Variants in ACTL6B observed in about 807,000 individuals in gnomAD.
ACTL6B encodes actin like 6B.
Under a neutral mutation model 63.3 loss-of-function variants are expected in ACTL6B, and 48 were observed. The ratio of observed to expected loss-of-function variants is 0.76; its 90% CI spans 0.60 to 0.96. The LOEUF is 0.96. ACTL6B is among the 50% of genes least tolerant of loss of function. The pLI is 0.00. For missense variants in ACTL6B, 350 were observed against 572.2 expected, an observed-to-expected ratio of 0.61 and a Z score of 3.96; for synonymous variants, 230 against 223.8, an observed-to-expected ratio of 1.03 and a Z score of -0.25.
Position 100,646,511 on chromosome 7 carries a change from G to A in ACTL6B, c.1113+40C>T. 6.2e-7 allele frequency: 1 copy of A among 1,603,558 alleles called. No homozygotes were observed. Among genetic ancestry groups the A allele is most frequent in the Non-Finnish European group, 8.5e-7 (1 of 1,170,640 alleles). The stretch of plus-strand genomic sequence containing the variant: ...ACTCAGTCCTGGACAGCTGAGCCAG[G>A]ACGGGTGTCCAGGGCTCTGGGTCAG... On this transcript the variant is annotated intron_variant, in intron 12 of 13. Coordinates refer to ENST00000160382, the MANE Select transcript of ACTL6B (RefSeq NM_016188.5). This position sits in a 1 kb window ranked among gnomAD's most constrained non-coding sequence, Gnocchi z 6.1.
chr7:100,655,125 G>A lies in ACTL6B; in HGVS notation c.269-6C>T. On this transcript the variant is annotated splice_region_variant and splice_polypyrimidine_tract_variant and intron_variant, in intron 3 of 13. Coordinates refer to ENST00000160382, the MANE Select transcript of ACTL6B (RefSeq NM_016188.5). This position sits in a 1 kb window ranked among gnomAD's most constrained non-coding sequence, Gnocchi z 4.4. The stretch of plus-strand genomic sequence containing the variant: ...GAAGCACTCCCAGTCCTCGACTGGG[G>A]CCAGAAGAGCAGCGTGCAGAGACGC... The A allele has an allele frequency of 6.2e-7, 1 of 1,608,548 alleles. No individual in the cohort carries two copies. Among genetic ancestry groups the A allele is most frequent in the Non-Finnish European group, 8.5e-7 (1 of 1,175,190 alleles).
At position 100,655,455 on chromosome 7, in the gene ACTL6B, T is replaced by A. The variant is rs1235395924; in HGVS notation, c.234A>T (p.Gly78=). 8.1e-6 allele frequency: 13 copies of A among 1,613,974 alleles called. No individual in the cohort carries two copies. The South Asian group carries it at 1.4e-4, about 18-fold the overall frequency. ...DTNALHVPRD[G]AEVMSPLKNG... Reference sequence around the variant, plus strand: ...TCTTGAGGGGCGACATGACCTCCGCTCCATCCCGAGGCACGTGCAGGGCAT... The same window carrying A: ...TCTTGAGGGGCGACATGACCTCCGCACCATCCCGAGGCACGTGCAGGGCAT... The change falls in exon 3 of 14, where the codon GGA becomes GGT. Residue 78 remains glycine, a synonymous_variant. Coordinates refer to ENST00000160382, the MANE Select transcript of ACTL6B (RefSeq NM_016188.5). This position sits in a 1 kb window ranked among gnomAD's most constrained non-coding sequence, Gnocchi z 4.4.
chr7:100,646,236 C>G lies in ACTL6B; in HGVS notation c.1200+13G>C, dbSNP rs775509605. ...CCCACAGTCAGTGCTAGGCCAGGTC[C>G]CTTTCCTCTCACCAGTGAGGCCAGG... On this transcript the variant is annotated intron_variant, in intron 13 of 13. Coordinates refer to ENST00000160382, the MANE Select transcript of ACTL6B (RefSeq NM_016188.5). The surrounding 1 kb of genome is among the most constrained non-coding windows in gnomAD (Gnocchi z 6.1). 6.8e-6 allele frequency: 11 copies of G among 1,612,902 alleles called. No individual in the cohort carries two copies. The East Asian group carries it at 2.0e-4, about 29-fold the overall frequency.
chr7:100,654,560 C>A (rs1287515341), intron 4 of ACTL6B, among the ~76,000 whole-genome samples: 1 of 151,636 alleles, frequency 6.6e-6, no homozygotes, highest in East Asian at 2.0e-4. Context: ...GCGGGTGGAT[C>A]ACCTGAGGTC....
chr7:100,655,544 C>G lies in ACTL6B; in HGVS notation c.145G>C (p.Gly49Arg), dbSNP rs749283208. ...TTVGLLAAEE[G>R]GGLELEGDKE... Reference sequence around the variant, plus strand: ...TCCCCCTCCAGCTCCAGCCCGCCCCCCTCCTCCGCGGCCAGCAGCCCCACT... The same window carrying G: ...TCCCCCTCCAGCTCCAGCCCGCCCCGCTCCTCCGCGGCCAGCAGCCCCACT... The change falls in exon 3 of 14, where the codon GGG becomes CGG. Residue 49 changes from glycine (G) to arginine (R), a missense_variant. Physicochemically the swap from Gly to Arg is moderately radical, Grantham distance 125 (BLOSUM62 -2). Around this residue, in one of 3 missense-constraint regions of ACTL6B, gnomAD observed 250 missense variants for 364.7 expected, o/e 0.69. Transcript: ENST00000160382. This position sits in a 1 kb window ranked among gnomAD's most constrained non-coding sequence, Gnocchi z 4.4. 2.5e-6 allele frequency: 4 copies of G among 1,613,840 alleles called. No homozygotes were observed. The highest frequency in any genetic ancestry group is 2.2e-5 in the South Asian group (2 of 91,072).
intron 5 of ACTL6B, chr7:100,649,827 A>C: frequency 2.0e-6 from 1 of 509,832 alleles, no homozygotes; most frequent in African/African-American, 1.9e-5. Context: ...GATCCGGGGA[A>C]CCGAAAGGGG....
chr7:100,646,010 AT>A lies in ACTL6B; in HGVS notation c.1200+238del, dbSNP rs1562847740. ...GGTTTTCAACTCCTAGCCTCAAGCC[AT>A]CCCCCCACTTCAGCCACCCAAAGTG... On this transcript the variant is annotated intron_variant, in intron 13 of 13. Transcript: ENST00000160382. This position sits in a 1 kb window ranked among gnomAD's most constrained non-coding sequence, Gnocchi z 6.1. 1.3e-5 allele frequency among the ~76,000 whole-genome samples: 2 copies of A among 152,190 alleles called. No homozygotes were observed. The highest frequency in any genetic ancestry group is 2.4e-5 in the African/African-American group (1 of 41,456).
rs994988064 is a variant in ACTL6B, at chr7:100,646,062, T to C, written c.1200+187A>G. ...CTGGGATGACAGGTGTGGGCCACCA[T>C]ACCGGGCCCCTGCCCCCCGATTTGT... On this transcript the variant is annotated intron_variant, in intron 13 of 13. Coordinates refer to ENST00000160382, the MANE Select transcript of ACTL6B (RefSeq NM_016188.5). The surrounding 1 kb of genome is among the most constrained non-coding windows in gnomAD (Gnocchi z 6.1). Among the ~76,000 whole-genome samples the C allele has an allele frequency of 1.3e-5, 2 of 152,210 alleles. No homozygotes were observed. The highest frequency in any genetic ancestry group is 2.4e-5 in the African/African-American group (1 of 41,466).
chr7:100,653,268 G>A (rs1290679241), intron 4 of ACTL6B, among the ~76,000 whole-genome samples: 1 of 152,024 alleles, frequency 6.6e-6, no homozygotes, highest in Admixed American at 6.6e-5. Context: ...GCAATATGAT[G>A]AGACCCCATC....
At chr7:100,652,184 G>T (rs1447902490) in intron 4 of ACTL6B, among the ~76,000 whole-genome samples, 1 of 151,788 alleles carries the variant, frequency 6.6e-6, no homozygotes, top group African/African-American at 2.4e-5. Context: ...GGATCGCGAG[G>T]TCAGGAGATG....
intron 4 of ACTL6B, among the ~76,000 whole-genome samples, chr7:100,650,485 ACT>A (rs766150735): frequency 3.5e-4 from 53 of 151,644 alleles, no homozygotes; most frequent in South Asian, 1.3e-3. Context: ...TCACACACAA[ACT>A]CACACACACA....
intron 13 of ACTL6B, among the ~76,000 whole-genome samples, chr7:100,645,447 C>T (rs570305680): frequency 6.6e-6 from 1 of 152,216 alleles, no homozygotes; most frequent in East Asian, 1.9e-4. Context: ...CTTGTAAGGT[C>T]CCCTTGACCC....
At chr7:100,652,425 A>G (rs530697982) in intron 4 of ACTL6B, among the ~76,000 whole-genome samples, 1 of 149,206 alleles carries the variant, frequency 6.7e-6, no homozygotes, top group South Asian at 2.1e-4. Context: ...CCATCTCAAA[A>G]AAAAAAAAAA....
chr7:100,656,010 G>T, intron 1 of ACTL6B, 131 bp from the exon 2 acceptor site: 1 of 964,032 alleles, frequency 1.0e-6, no homozygotes, highest in Non-Finnish European at 1.5e-6. Flanking sequence ...TGGGAGCTGG[G>T]CCTGGAGTCC....
chr7:100,644,179 C>T (rs1016057585), intron 13 of ACTL6B, among the ~76,000 whole-genome samples: 7 of 152,032 alleles, frequency 4.6e-5, no homozygotes, highest in East Asian at 1.9e-4. Flanking sequence ...GGATTACAAG[C>T]GTGAGCCACC....
Position 100,647,172 on chromosome 7 carries a change from G to T in ACTL6B, c.821+51C>A. The T allele has an allele frequency of 3.4e-6, 3 of 883,330 alleles. No homozygotes were observed. Among genetic ancestry groups the T allele is most frequent in the South Asian group, 1.3e-5 (1 of 76,496 alleles). 54.7% of individuals were successfully genotyped at this position (883,330 alleles called of 1,614,324 possible). A position where few individuals can be genotyped will look rare whatever the true frequency, so the allele number is the denominator to read the frequency against. The stretch of plus-strand genomic sequence containing the variant: ...ACCAGAGCCCCCCAGCCCACCCCAA[G>T]AGTGCCGGTTCTGCCCTCTCTCCCA... On this transcript the variant is annotated intron_variant, in intron 9 of 13. Transcript: ENST00000160382. This position sits in a 1 kb window ranked among gnomAD's most constrained non-coding sequence, Gnocchi z 4.4.
At position 100,646,879 on chromosome 7, in the gene ACTL6B, C is replaced by G. The variant is rs747621310; in HGVS notation, c.937-48G>C. ...CTGTGGGCTCTCTCCCCCTTCCCCC[C>G]AGACCCCTGCAATCCTTCCCAGCCT... On this transcript the variant is annotated intron_variant, in intron 10 of 13. Transcript: ENST00000160382. The surrounding 1 kb of genome is among the most constrained non-coding windows in gnomAD (Gnocchi z 6.1). 6 of 1,602,216 alleles carry G rather than the reference C, an allele frequency of 3.7e-6. No individual in the cohort carries two copies. Among genetic ancestry groups the G allele is most frequent in the South Asian group, 3.3e-5 (3 of 90,106 alleles).
Position 100,646,601 on chromosome 7 carries a change from G to C in ACTL6B, c.1063C>G (p.Gln355Glu). 4 of 1,614,042 alleles carry C rather than the reference G, an allele frequency of 2.5e-6. No individual in the cohort carries two copies. The highest frequency in any genetic ancestry group is 3.4e-6 in the Non-Finnish European group (4 of 1,180,014). Residue 355 changes from glutamine (Q) to glutamate (E), a missense_variant, in exon 12 of 14, where the codon CAG becomes GAG. Around this residue, in one of 3 missense-constraint regions of ACTL6B, gnomAD observed 76 missense variants for 126.1 expected, o/e 0.60. Coordinates refer to ENST00000160382, the MANE Select transcript of ACTL6B (RefSeq NM_016188.5). This position sits in a 1 kb window ranked among gnomAD's most constrained non-coding sequence, Gnocchi z 6.1. The stretch of plus-strand genomic sequence containing the variant: ...CGATTGAGCCTGTCAGTGAAGCCCT[G>C]CAGCAGTGTGTTCCCGCCGGTGACA... ...VIVTGGNTLLQGFTDRLNREL... is the reference protein window; with the variant it reads ...VIVTGGNTLLEGFTDRLNREL...
intron 13 of ACTL6B, among the ~76,000 whole-genome samples, chr7:100,643,615 C>T (rs893334839): frequency 6.6e-5 from 10 of 152,182 alleles, no homozygotes; most frequent in African/African-American, 1.9e-4. Flanking sequence ...GGGGATGGCA[C>T]GCACAGCCCC....
Sources: gnomAD v4.1 joint callset for allele counts (sites outside exome capture counted in the v4.1 genomes callset) on GRCh38, gnomAD v4.1.1 for gene constraint, gnomAD v4.1.1 regional missense constraint, Gnocchi (gnomAD v3.1) non-coding constraint, MANE v1.5 for transcripts, NCBI Gene and HGNC (gene_info 2026-07-23, HGNC 2026-07-21) for gene names.